The following TSC22D2 variants were observed in gnomAD, a reference collection of about 807,000 sequenced individuals.
TSC22D2 encodes TSC22 domain family member 2.
Under a neutral mutation model 50.1 loss-of-function variants are expected in TSC22D2, and 5 were observed. That is an observed-to-expected ratio of 0.10 (90% CI 0.05 to 0.21). The LOEUF is 0.21. Ranked by LOEUF, TSC22D2 falls within the 10% of genes least tolerant of loss-of-function variation. The probability of loss-of-function intolerance (pLI) is 1.00; values close to 1 mark genes in which losing one functional copy is unlikely to be tolerated. For synonymous variants in TSC22D2, 501 were observed against 450.1 expected (o/e 1.11, Z -1.43); for missense variants, 1,003 against 1,015.5 (o/e 0.99, Z 0.17).
intron 1 of TSC22D2, among the ~76,000 whole-genome samples, chr3:150,452,816 A>G (rs1721082615): frequency 6.6e-6 from 1 of 152,226 alleles, no homozygotes; most frequent in Non-Finnish European, 1.5e-5. Flanking sequence ...CCACAGCTCT[A>G]TATTTCTGTT....
At chr3:150,412,332 GT>G (rs1304541011) in intron 1 of TSC22D2, among the ~76,000 whole-genome samples, 25 of 152,234 alleles carry the variant, frequency 1.6e-4, no homozygotes, top group African/African-American at 5.8e-4. Flanking sequence ...CTTTGCTGGG[GT>G]TTTTGTTTAG....
intron 1 of TSC22D2, among the ~76,000 whole-genome samples, chr3:150,415,636 G>A (rs1305349520): frequency 2.6e-5 from 4 of 152,098 alleles, no homozygotes; most frequent in Non-Finnish European, 5.9e-5. Context: ...GCAACATAGC[G>A]AGGCTTTGTC....
intron 1 of TSC22D2, among the ~76,000 whole-genome samples, chr3:150,423,706 A>G (rs1228656406): frequency 2.0e-5 from 3 of 152,226 alleles, no homozygotes; most frequent in Admixed American, 6.5e-5. Context: ...TTAAAAATAC[A>G]GAATGAAGTC....
intron 1 of TSC22D2, among the ~76,000 whole-genome samples, chr3:150,422,769 C>T (rs56203514): frequency 0.024 from 3,722 of 152,220 alleles, 159 homozygotes; most frequent in African/African-American, 0.084. Flanking sequence ...TTTATATGCA[C>T]GCACACAAAA....
rs1014283616 is a variant in TSC22D2, at chr3:150,463,958, C to G, written c.*5322C>G. 1.3e-5 allele frequency: 2 copies of G among 152,286 alleles called. No homozygotes were observed. Among genetic ancestry groups the G allele is most frequent in the South Asian group, 2.1e-4 (1 of 4,828 alleles). The allele number at this position is 152,286 out of a possible 1,614,324, so 9.4% of individuals were successfully genotyped here. On this transcript the variant is annotated 3_prime_UTR_variant, in exon 3 of 3. Coordinates refer to ENST00000688009, the MANE Select transcript of TSC22D2 (RefSeq NM_001303264.2). ...GGGGAATTTTCCCATTGTCTACTGT[C>G]ATGGGTCCATAGTATTTAAGTTTAC...
At chr3:150,443,485 G>A (rs548232946) in intron 1 of TSC22D2, among the ~76,000 whole-genome samples, 6 of 152,276 alleles carry the variant, frequency 3.9e-5, no homozygotes, top group South Asian at 4.1e-4. Flanking sequence ...AGATCACAAG[G>A]ACGTTTCTCT....
chr3:150,411,361 AGCTTAGGAT>A lies in TSC22D2; in HGVS notation c.1958+56_1958+64del. The A allele has an allele frequency of 2.0e-6, 3 of 1,504,788 alleles. No homozygotes were observed. In the South Asian group the frequency reaches 3.9e-5, roughly 19 times the overall value. The allele number at this position is 1,504,788 out of a possible 1,614,324, so 93.2% of individuals were successfully genotyped here. ...GATAGAAATGCTTGGCCAACATTGT[AGCTTAGGAT>A]GCAACTTTGGGAGATTGTTGTCAAC... is the stretch of plus-strand genomic sequence containing the variant. On this transcript the variant is annotated intron_variant, in intron 1 of 2. Coordinates refer to ENST00000688009, the MANE Select transcript of TSC22D2 (RefSeq NM_001303264.2).
intron 1 of TSC22D2, among the ~76,000 whole-genome samples, chr3:150,440,765 T>A (rs932614093): frequency 1.3e-5 from 2 of 152,080 alleles, no homozygotes; most frequent in Non-Finnish European, 2.9e-5. Flanking sequence ...TTTGTTTTCC[T>A]TTGTACTTTG....
At chr3:150,441,529 G>A (rs1299792517) in intron 1 of TSC22D2, among the ~76,000 whole-genome samples, 1 of 152,126 alleles carries the variant, frequency 6.6e-6, no homozygotes, top group East Asian at 1.9e-4. Context: ...GGAGGCTGAG[G>A]TGGGCAGATG....
chr3:150,410,705 G>A lies in TSC22D2; in HGVS notation c.1355G>A (p.Cys452Tyr). 5 of 1,577,226 alleles carry A rather than the reference G, an allele frequency of 3.2e-6. No homozygotes were observed. Among genetic ancestry groups the A allele is most frequent in the Non-Finnish European group, 4.3e-6 (5 of 1,162,870 alleles). Reference sequence around the variant, plus strand: ...GCGCAAGGCGGGCAGGTCGCGCCTTGTCAGCCGACTGGAGTGCCCCCGGCT... The same window carrying A: ...GCGCAAGGCGGGCAGGTCGCGCCTTATCAGCCGACTGGAGTGCCCCCGGCT... ...GPAQGGQVAP[C>Y]QPTGVPPATV... is the part of the protein sequence containing the mutation. The change falls in exon 1 of 3, where the codon TGT (cysteine) becomes TAT (tyrosine). Residue 452 changes from cysteine to tyrosine, a missense_variant. Transcript: ENST00000688009.
At chr3:150,417,597 C>T (rs1021554578) in intron 1 of TSC22D2, among the ~76,000 whole-genome samples, 1 of 151,998 alleles carries the variant, frequency 6.6e-6, no homozygotes, top group African/African-American at 2.4e-5. Context: ...CTTGTTTCCT[C>T]TTATGAAAAA....
rs116047531 is a variant in TSC22D2, at chr3:150,414,017, A to G, written c.1958+2709A>G. 2.4e-3 allele frequency among the ~76,000 whole-genome samples: 370 copies of G among 152,304 alleles called. 3 individuals carry two copies. Among genetic ancestry groups the G allele is most frequent in the Non-Finnish European group, 4.6e-3 (315 of 68,016 alleles). Reference sequence around the variant, plus strand: ...ACTCTTATCTTGAGATTTTGGTTCCATTACCTAATGCAAAGTTCTATATTG... The same window carrying G: ...ACTCTTATCTTGAGATTTTGGTTCCGTTACCTAATGCAAAGTTCTATATTG... On this transcript the variant is annotated intron_variant, in intron 1 of 2. Transcript: ENST00000688009.
intron 1 of TSC22D2, among the ~76,000 whole-genome samples, chr3:150,417,279 T>C (rs1719847138): frequency 6.6e-6 from 1 of 152,144 alleles, no homozygotes. Flanking sequence ...AAGTATATAA[T>C]TTAATCTGAA....
Position 150,408,606 on chromosome 3 carries a change from G to A in TSC22D2, c.-745G>A, listed in dbSNP as rs1448448193. 6.6e-6 allele frequency: 1 copy of A among 152,284 alleles called. No homozygotes were observed. The highest frequency in any genetic ancestry group is 1.5e-5 in the Non-Finnish European group (1 of 68,294). The allele number at this position is 152,284 out of a possible 1,614,324, so 9.4% of individuals were successfully genotyped here. ...CCCGCCCGCAGGGGTGGTTCCCCCT[G>A]TAAGGGGAGGACCGAGCCGGCTTTC... On this transcript the variant is annotated 5_prime_UTR_variant, in exon 1 of 3. Coordinates refer to ENST00000688009, the MANE Select transcript of TSC22D2 (RefSeq NM_001303264.2).
intron 1 of TSC22D2, among the ~76,000 whole-genome samples, chr3:150,434,246 T>G (rs1720467633): frequency 6.6e-6 from 1 of 151,746 alleles, no homozygotes; most frequent in Admixed American, 6.6e-5. Flanking sequence ...CCTTCTAGGT[T>G]TAAGTGATTC....
intron 1 of TSC22D2, among the ~76,000 whole-genome samples, chr3:150,443,051 C>T (rs992545190): frequency 2.1e-4 from 32 of 152,282 alleles, no homozygotes; most frequent in Middle Eastern, 3.4e-3. Flanking sequence ...AATTATAAAA[C>T]TGAGTTAGAA....
Position 150,463,340 on chromosome 3 carries a change from T to G in TSC22D2, c.*4704T>G, listed in dbSNP as rs1451419058. On this transcript the variant is annotated 3_prime_UTR_variant, in exon 3 of 3. Transcript: ENST00000688009. ...TTGACATAGGTCAGTCCTGCAGGCT[T>G]CTTTTTTCTAAGTCTCCTGCCTATC... is the stretch of plus-strand genomic sequence containing the variant. 1 of 152,238 alleles carries G rather than the reference T, an allele frequency of 6.6e-6. No individual in the cohort carries two copies. Among genetic ancestry groups the G allele is most frequent in the Non-Finnish European group, 1.5e-5 (1 of 68,054 alleles). The allele number at this position is 152,238 out of a possible 1,614,324, so 9.4% of individuals were successfully genotyped here.
chr3:150,423,644 T>A (rs2108071712), intron 1 of TSC22D2, among the ~76,000 whole-genome samples: 1 of 152,314 alleles, frequency 6.6e-6, no homozygotes, highest in African/African-American at 2.4e-5. Context: ...TGTAAGCCCC[T>A]AAAACAGTTT....
chr3:150,451,934 A>G (rs991775490), intron 1 of TSC22D2, among the ~76,000 whole-genome samples: 3 of 152,034 alleles, frequency 2.0e-5, no homozygotes, highest in Non-Finnish European at 2.9e-5. Flanking sequence ...GAGTGCAGTA[A>G]TGAACCCTGA....
Sources: gnomAD v4.1 joint callset for allele counts (sites outside exome capture counted in the v4.1 genomes callset) on GRCh38, gnomAD v4.1.1 for gene constraint, MANE v1.5 for transcripts, NCBI Gene and HGNC (gene_info 2026-07-23, HGNC 2026-07-21) for gene names.